Variants in FGD4 observed in about 807,000 individuals in gnomAD.
FGD4 encodes the protein FYVE, RhoGEF and PH domain-containing protein 4.
Under a neutral mutation model 102.0 loss-of-function variants are expected in FGD4, and 42 were observed. The observed-to-expected ratio is 0.41, with a 90% CI of 0.32 to 0.53. The LOEUF (loss-of-function observed/expected upper bound fraction) is 0.53. FGD4 is among the 20% of genes least tolerant of loss of function. The probability of loss-of-function intolerance (pLI) is 0.21; values close to 1 mark genes in which losing one functional copy is unlikely to be tolerated. For missense variants in FGD4, 902 were observed against 1,078.2 expected (o/e 0.84, Z 2.29); for synonymous variants, 380 against 375.7 (o/e 1.01, Z -0.13).
At chr12:32,445,414 C>T (rs182255857) in intron 1 of FGD4, among the ~76,000 whole-genome samples, 1 of 152,222 alleles carries the variant, frequency 6.6e-6, no homozygotes, top group Non-Finnish European at 1.5e-5. Context: ...CTTTGATTTA[C>T]TCGTGGACCA....
intron 1 of FGD4, among the ~76,000 whole-genome samples, chr12:32,418,710 C>T (rs1288411446): frequency 6.6e-6 from 1 of 152,158 alleles, no homozygotes; most frequent in African/African-American, 2.4e-5. Context: ...GTAACCACTA[C>T]CTGGCTACCA....
rs1591839347 is a variant in FGD4, at chr12:32,406,561, T to A, written c.166+6602T>A. On this transcript the variant is annotated intron_variant, in intron 1 of 16. Coordinates refer to ENST00000534526, the MANE Select transcript of FGD4 (RefSeq NM_001370298.3). The stretch of plus-strand genomic sequence containing the variant: ...AGAGCTAGACTCCATCTCAAAAAAA[T>A]TTAAAAAAAAAGAAAAAATTTATGC... Among the ~76,000 whole-genome samples the A allele has an allele frequency of 2.0e-5, 3 of 151,016 alleles. No individual in the cohort carries two copies. In the East Asian group the frequency reaches 6.0e-4, roughly 30 times the overall value.
chr12:32,604,879 T>TAATC (rs1948666772), intron 7 of FGD4, among the ~76,000 whole-genome samples: 4 of 152,080 alleles, frequency 2.6e-5, no homozygotes, highest in Admixed American at 2.6e-4. Context: ...GCATGCCTTT[T>TAATC]AATCAATTTC....
intron 2 of FGD4, among the ~76,000 whole-genome samples, chr12:32,567,703 T>TGA (rs1555205539): frequency 5.3e-5 from 8 of 150,266 alleles, no homozygotes; most frequent in South Asian, 2.1e-4. Flanking sequence ...TTTTTTTTTT[T>TGA]GAGAGAGAGG....
intron 1 of FGD4, among the ~76,000 whole-genome samples, chr12:32,549,163 T>C (rs976061903): frequency 6.6e-6 from 1 of 152,238 alleles, no homozygotes. Flanking sequence ...ATATGCCCAC[T>C]AGTATTGTAA....
rs545964779 is a variant in FGD4 at position 32,645,585 on chromosome 12, C to T, written c.*5052C>T. On this transcript the variant is annotated 3_prime_UTR_variant, in exon 17 of 17. Transcript: ENST00000534526. ...AGGAGTTCGAGACCAGCCTGGCCAA[C>T]ATGGCAAAACCCTGTCTCTACAAAA... is the stretch of plus-strand genomic sequence containing the variant. 2.0e-5 allele frequency: 3 copies of T among 152,370 alleles called. No homozygotes were observed. Among genetic ancestry groups the T allele is most frequent in the Admixed American group, 2.0e-4 (3 of 15,300 alleles). 9.4% of individuals were successfully genotyped at this position (152,370 alleles called of 1,614,324 possible).
chr12:32,595,414 G>A (rs750584712), intron 4 of FGD4, among the ~76,000 whole-genome samples: 14 of 152,084 alleles, frequency 9.2e-5, no homozygotes, highest in Admixed American at 2.0e-4. Context: ...TAATGGAATC[G>A]TTGCTCATAG....
chr12:32,642,655 T>C lies in FGD4; in HGVS notation c.*2122T>C, dbSNP rs1289303248. On this transcript the variant is annotated 3_prime_UTR_variant, in exon 17 of 17. Transcript: ENST00000534526. ...GTAAAGATAATGTTTATTATCATGC[T>C]CTTAACAGTCATTATCTTTAATTTT... is the stretch of plus-strand genomic sequence containing the variant. The C allele has an allele frequency of 1.3e-5, 2 of 152,104 alleles. No individual in the cohort carries two copies. The highest frequency in any genetic ancestry group is 4.8e-5 in the African/African-American group (2 of 41,456). 9.4% of individuals were successfully genotyped at this position (152,104 alleles called of 1,614,324 possible).
At chr12:32,432,594 A>C (rs577082819) in intron 1 of FGD4, among the ~76,000 whole-genome samples, 1 of 122,602 alleles carries the variant, frequency 8.2e-6, no homozygotes, top group South Asian at 2.8e-4. Flanking sequence ...ACAGAGCAAG[A>C]CTCCATCTCA....
intron 4 of FGD4, among the ~76,000 whole-genome samples, chr12:32,595,187 CTTATTACAGGATGGAAAGTCACA>C (rs548843241): frequency 5.2e-4 from 79 of 152,170 alleles, no homozygotes; most frequent in African/African-American, 1.8e-3. Flanking sequence ...TTTATGTTTA[CTTATTACAGGATGGAAAGTCACA>C]TTTTTATCCC....
intron 1 of FGD4, among the ~76,000 whole-genome samples, chr12:32,437,952 G>T (rs923111452): frequency 2.0e-5 from 3 of 152,168 alleles, no homozygotes; most frequent in African/African-American, 7.2e-5. Context: ...GAGTGCAGTG[G>T]CGCAATCTCA....
At position 32,566,467 on chromosome 12, in the gene FGD4, T is replaced by C. The variant is rs554353588; in HGVS notation, c.319+2178T>C. 1.2e-3 allele frequency among the ~76,000 whole-genome samples: 187 copies of C among 152,272 alleles called. 1 individual carries two copies. Among genetic ancestry groups the C allele is most frequent in the African/African-American group, 3.7e-3 (154 of 41,554 alleles). ...GTATGTTTTACTCATCAGCTCAGTTTTTTCTGCCTATGTGTCCGCTCACAT... is the reference window on the plus strand; with the variant it reads ...GTATGTTTTACTCATCAGCTCAGTTCTTTCTGCCTATGTGTCCGCTCACAT... On this transcript the variant is annotated intron_variant, in intron 2 of 16. Transcript: ENST00000534526.
chr12:32,584,633 G>A (rs776554522), intron 4 of FGD4, among the ~76,000 whole-genome samples: 8 of 151,772 alleles, frequency 5.3e-5, no homozygotes, highest in Non-Finnish European at 8.8e-5. Context: ...GCCCATTTCA[G>A]TGATTATATA....
chr12:32,508,639 C>G (rs1215502556), intron 1 of FGD4, among the ~76,000 whole-genome samples: 1 of 152,122 alleles, frequency 6.6e-6, no homozygotes, highest in Admixed American at 6.5e-5. Flanking sequence ...GTTTTTTTAG[C>G]GTTAGAAGAG....
At chr12:32,509,076 A>C (rs1939089206) in intron 1 of FGD4, among the ~76,000 whole-genome samples, 7 of 152,190 alleles carry the variant, frequency 4.6e-5, no homozygotes, top group Admixed American at 4.6e-4. Context: ...CATCCATCTA[A>C]TCTTTAACTA....
At position 32,644,046 on chromosome 12, in the gene FGD4, T is replaced by A. The variant is rs1349783311; in HGVS notation, c.*3513T>A. 1 of 152,182 alleles carries A rather than the reference T, an allele frequency of 6.6e-6. No individual in the cohort carries two copies. Among genetic ancestry groups the A allele is most frequent in the Admixed American group, 6.5e-5 (1 of 15,284 alleles). 9.4% of individuals were successfully genotyped at this position (152,182 alleles called of 1,614,324 possible). A position where few individuals can be genotyped will look rare whatever the true frequency, so the allele number is the denominator to read the frequency against. On this transcript the variant is annotated 3_prime_UTR_variant, in exon 17 of 17. Transcript: ENST00000534526. ...TTTGCTATAATGCAGAATAGATTAA[T>A]GAAGATTTCCTATATCATATGATAT...
chr12:32,459,706 T>G (rs1020757509), intron 1 of FGD4, among the ~76,000 whole-genome samples: 3 of 152,064 alleles, frequency 2.0e-5, no homozygotes, highest in Non-Finnish European at 4.4e-5. Flanking sequence ...CTTTTTTTTT[T>G]TTCTAAATTT....
intron 14 of FGD4, among the ~76,000 whole-genome samples, chr12:32,631,070 C>T (rs1950474374): frequency 2.6e-5 from 4 of 151,990 alleles, no homozygotes; most frequent in Admixed American, 2.6e-4. Context: ...CATAAATTCC[C>T]CTGTTGTTTA....
chr12:32,473,079 T>A (rs1245906905), intron 1 of FGD4, among the ~76,000 whole-genome samples: 1 of 151,666 alleles, frequency 6.6e-6, no homozygotes, highest in African/African-American at 2.4e-5. Flanking sequence ...ACTCTGTATC[T>A]AACTAATCTG....
Sources: allele counts gnomAD v4.1 joint callset (sites outside exome capture counted in the v4.1 genomes callset), GRCh38; gene constraint gnomAD v4.1.1; transcripts MANE v1.5; gene names NCBI Gene and HGNC (gene_info 2026-07-23, HGNC 2026-07-21).